HEPH: variants seen among roughly 807,000 people sequenced by gnomAD.
HEPH encodes the protein hephaestin.
A neutral mutation model predicts 80.8 loss-of-function variants in HEPH; 69 were observed. That is an observed-to-expected ratio of 0.85 (90% CI 0.70 to 1.04). The LOEUF (loss-of-function observed/expected upper bound fraction) is 1.04. Ranked by LOEUF, HEPH falls within the 50% of genes least tolerant of loss-of-function variation. The pLI, the probability that HEPH is intolerant of heterozygous loss-of-function variation, is 0.00. For missense variants in HEPH, 1,115 were observed against 891.3 expected (o/e 1.25, Z -3.20); for synonymous variants, 431 against 322.8 (o/e 1.34, Z -3.60).
intron 1 of HEPH, among the ~76,000 whole-genome samples, chrX:66,169,390 T>A (rs747706508): frequency 9.0e-6 from 1 of 111,688 alleles, no homozygotes; most frequent in African/African-American, 3.3e-5. Flanking sequence ...TGTGTGCAAG[T>A]TTATGTATTT....
At chrX:66,231,730 C>G (rs2090152807) in intron 15 of HEPH, among the ~76,000 whole-genome samples, 2 of 108,412 alleles carry the variant, frequency 1.8e-5, no homozygotes, top group South Asian at 4.1e-4. Flanking sequence ...CAAACAGGGA[C>G]AATTTGACTT....
intron 15 of HEPH, among the ~76,000 whole-genome samples, chrX:66,232,661 A>G (rs1383230659): frequency 9.0e-6 from 1 of 111,030 alleles, no homozygotes; most frequent in Non-Finnish European, 1.9e-5. Context: ...TAGTCAGGAG[A>G]AAACTACCTG....
intron 13 of HEPH, among the ~76,000 whole-genome samples, chrX:66,205,276 A>G (rs1338048322): frequency 8.9e-6 from 1 of 111,733 alleles, no homozygotes; most frequent in Non-Finnish European, 1.9e-5. Context: ...CTCCACCCCA[A>G]TTTCTATTGT....
chrX:66,240,442 C>T (rs2090525022), intron 15 of HEPH, among the ~76,000 whole-genome samples: 1 of 108,889 alleles, frequency 9.2e-6, no homozygotes, highest in Non-Finnish European at 1.9e-5. Context: ...AATAAAATGG[C>T]TGATAATTTT....
At chrX:66,245,551 G>C (rs2090770635) in intron 15 of HEPH, among the ~76,000 whole-genome samples, 1 of 111,197 alleles carries the variant, frequency 9.0e-6, no homozygotes, top group African/African-American at 3.3e-5. Context: ...ACACCCCACT[G>C]TCAACATTAG....
intron 15 of HEPH, among the ~76,000 whole-genome samples, chrX:66,242,655 A>G (rs2090644535): frequency 1.8e-5 from 2 of 112,307 alleles, no homozygotes; most frequent in Admixed American, 9.5e-5. Context: ...AAGAACTTAA[A>G]CAAATCAACA....
In HEPH at chrX:66,224,655, G is replaced by A. The variant is rs1183372648; in HGVS notation, c.2563+16409G>A. Among the ~76,000 whole-genome samples, 2 of 112,064 alleles carry A rather than the reference G, an allele frequency of 1.8e-5. 1 individual carries two copies. The highest frequency in any genetic ancestry group is 8.6e-3 in the Middle Eastern group (2 of 233). On this transcript the variant is annotated intron_variant, in intron 15 of 20. Coordinates refer to ENST00000343002, the MANE Select transcript of HEPH (RefSeq NM_001367233.3). ...GTTACTGGGTTAAGGATTTTTGATA[G>A]GAAGGCTTCAGTGCTTTCTGGATAT...
In HEPH at chrX:66,209,505, G is replaced by A. The variant is rs1167977154; in HGVS notation, c.2563+1259G>A. ...ATGAAAAAAGGGACATATGGGTGAA[G>A]GTAAAGTACAGTATGGAAGAAAAGC... On this transcript the variant is annotated intron_variant, in intron 15 of 20. Coordinates refer to ENST00000343002, the MANE Select transcript of HEPH (RefSeq NM_001367233.3). Among the ~76,000 whole-genome samples the A allele has an allele frequency of 2.7e-5, 3 of 111,569 alleles. No individual in the cohort carries two copies. In the Admixed American group the frequency reaches 2.9e-4, roughly 11 times the overall value.
intron 2 of HEPH, chrX:66,171,118 T>C: frequency 3.1e-6 from 1 of 324,374 alleles, no homozygotes; most frequent in Non-Finnish European, 5.9e-6. Context: ...TACTGTATAT[T>C]TATTTCAGAT....
chrX:66,239,290 G>A (rs758155782), intron 15 of HEPH, among the ~76,000 whole-genome samples: 7 of 111,531 alleles, frequency 6.3e-5, no homozygotes, highest in Non-Finnish European at 1.1e-4. Context: ...GAATAAGTCC[G>A]AGTGCATGGT....
chrX:66,257,042 A>T (rs1337494603), intron 17 of HEPH, among the ~76,000 whole-genome samples: 1 of 112,246 alleles, frequency 8.9e-6, no homozygotes, highest in Non-Finnish European at 1.9e-5. Flanking sequence ...GATTTCTTTG[A>T]TCTGAGAATG....
chrX:66,268,231 G>T (rs1408522883), downstream of HEPH: 1 of 111,890 alleles, frequency 8.9e-6, no homozygotes, highest in African/African-American at 3.2e-5. Flanking sequence ...TACCCATATT[G>T]ATTCCAACTT....
chrX:66,254,511 G>A (rs1209382595), intron 15 of HEPH, among the ~76,000 whole-genome samples: 1 of 110,955 alleles, frequency 9.0e-6, no homozygotes, highest in Admixed American at 9.6e-5. Flanking sequence ...AAGATATTCA[G>A]CATCTAATTG....
At position 66,176,300 on chromosome X, in the gene HEPH, T is replaced by G. The variant is rs2086799645; in HGVS notation, c.625+2499T>G. ...TGTAATTTTTTAAAAATTCTGTTCA[T>G]GTGGTGCATCACACATATTGACTTG... On this transcript the variant is annotated intron_variant, in intron 4 of 20. Transcript: ENST00000343002. Among the ~76,000 whole-genome samples the G allele has an allele frequency of 3.6e-5, 4 of 112,144 alleles. No homozygotes were observed. The South Asian group carries it at 1.5e-3, about 41-fold the overall frequency.
In HEPH at chrX:66,230,272, G is replaced by C. The variant is rs1326130117; in HGVS notation, c.2563+22026G>C. ...TGTCTTTATAGCAGCATGATTTATA[G>C]TCATTTGGGTATATACCCAGTAATG... is the stretch of plus-strand genomic sequence containing the variant. On this transcript the variant is annotated intron_variant, in intron 15 of 20. Transcript: ENST00000343002. 2.5e-3 allele frequency among the ~76,000 whole-genome samples: 239 copies of C among 94,837 alleles called. 7 individuals carry two copies. The highest frequency in any genetic ancestry group is 0.01 in the African/African-American group (227 of 22,378). The allele number at this position is 94,837 out of a possible 115,157, so 82.4% of individuals were successfully genotyped here. A position where few individuals can be genotyped will look rare whatever the true frequency, so the allele number is the denominator to read the frequency against.
intron 15 of HEPH, among the ~76,000 whole-genome samples, chrX:66,249,552 A>G (rs1195074632): frequency 1.8e-5 from 2 of 111,576 alleles, no homozygotes; most frequent in Non-Finnish European, 3.8e-5. Context: ...CTGAGGACAC[A>G]ATTGAGACTG....
rs765363439 is a variant in HEPH at position 66,266,575 on chromosome X, G to A, written c.3380G>A (p.Gly1127Asp). ...CTTCTGCTCGTTGTTCTGGCTCTTG[G>A]TGGAGTGGTTTGGTACCAACATCGA... ...VTLLLVVLALGGVVWYQHRQR... is the reference protein window; with the variant it reads ...VTLLLVVLALDGVVWYQHRQR... The change falls in exon 21 of 21, where the codon GGT becomes GAT. Residue 1127 changes from glycine to aspartate, a missense_variant. Physicochemically the swap from Gly to Asp is moderately conservative, Grantham distance 94. Around this residue, in one of 3 missense-constraint regions of HEPH, gnomAD observed 716 missense variants for 523.5 expected, o/e 1.37. Coordinates refer to ENST00000343002, the MANE Select transcript of HEPH (RefSeq NM_001367233.3). 1.7e-6 allele frequency: 2 copies of A among 1,208,334 alleles called. No homozygotes were observed. Among genetic ancestry groups the A allele is most frequent in the Non-Finnish European group, 2.2e-6 (2 of 894,488 alleles).
intron 18 of HEPH, among the ~76,000 whole-genome samples, chrX:66,259,189 G>A (rs1183702723): frequency 2.7e-5 from 3 of 111,722 alleles, no homozygotes; most frequent in Non-Finnish European, 3.8e-5. Context: ...TTCTGATGTG[G>A]AAGACAAAAA....
intron 15 of HEPH, among the ~76,000 whole-genome samples, chrX:66,210,792 A>C (rs1463773484): frequency 9.0e-6 from 1 of 111,494 alleles, no homozygotes; most frequent in Admixed American, 9.6e-5. Flanking sequence ...TGAGAAGATT[A>C]GGGAGATGGT....
Sources: gnomAD v4.1 joint callset for allele counts (sites outside exome capture counted in the v4.1 genomes callset) on GRCh38, gnomAD v4.1.1 for gene constraint, gnomAD v4.1.1 regional missense constraint, MANE v1.5 for transcripts, NCBI Gene and HGNC (gene_info 2026-07-23, HGNC 2026-07-21) for gene names.